RGS7: variants seen among roughly 807,000 people sequenced by gnomAD.
The protein encoded by RGS7 is regulator of G protein signaling 7, also known as regulator of G-protein signaling 7.
Under a neutral mutation model 81.1 loss-of-function variants are expected in RGS7, and 27 were observed. The ratio of observed to expected loss-of-function variants is 0.33; its 90% CI spans 0.25 to 0.46. The LOEUF (loss-of-function observed/expected upper bound fraction) is 0.46. RGS7 is among the 20% of genes least tolerant of loss of function. The pLI, the probability that RGS7 is intolerant of heterozygous loss-of-function variation, is 1.00. For synonymous variants in RGS7, 208 were observed against 207.7 expected (o/e 1.00, Z -0.01); for missense variants, 396 against 607.4 (o/e 0.65, Z 3.66).
intron 2 of RGS7, among the ~76,000 whole-genome samples, chr1:241,169,610 T>C (rs2070574770): frequency 6.6e-6 from 1 of 152,136 alleles, no homozygotes; most frequent in South Asian, 2.1e-4. Context: ...CCCAAAGTGC[T>C]GGGATTACAG....
intron 3 of RGS7, 121 bp downstream of exon 3, chr1:241,098,545 A>G (rs2064465578): frequency 2.7e-6 from 2 of 732,194 alleles, no homozygotes; most frequent in Admixed American, 2.1e-5. Context: ...CAGGCATTTT[A>G]TAAGTAGTTA....
intron 6 of RGS7, among the ~76,000 whole-genome samples, chr1:240,897,680 T>C (rs919679691): frequency 2.1e-4 from 32 of 152,210 alleles, no homozygotes; most frequent in Non-Finnish European, 3.8e-4. Flanking sequence ...TGGATTCGGT[T>C]TGCCCGTATT....
chr1:241,295,556 C>T (rs919943505), intron 2 of RGS7, among the ~76,000 whole-genome samples: 1 of 152,072 alleles, frequency 6.6e-6, no homozygotes, highest in African/African-American at 2.4e-5. Context: ...TCCCAAAAGA[C>T]AAGTCGGTAA....
chr1:240,906,466 C>T (rs958832843), intron 6 of RGS7, among the ~76,000 whole-genome samples: 2 of 152,172 alleles, frequency 1.3e-5, no homozygotes, highest in Non-Finnish European at 2.9e-5. Flanking sequence ...ATTCTAGGTC[C>T]TCCGTATAAC....
intron 6 of RGS7, among the ~76,000 whole-genome samples, chr1:240,875,692 C>G (rs1159862888): frequency 6.6e-6 from 1 of 152,202 alleles, no homozygotes. Flanking sequence ...TTCTCCCCAA[C>G]GCTTGTTACC....
At chr1:241,138,448 G>C (rs1558119783) in intron 2 of RGS7, among the ~76,000 whole-genome samples, 1 of 152,116 alleles carries the variant, frequency 6.6e-6, no homozygotes, top group South Asian at 2.1e-4. Flanking sequence ...CATGTGTATA[G>C]GGGAGAGTAA....
At position 241,310,444 on chromosome 1, in the gene RGS7, TGA is replaced by T. The variant is rs1001709221; in HGVS notation, c.78+45253_78+45254del. Among the ~76,000 whole-genome samples the T allele has an allele frequency of 1.1e-4, 13 of 115,318 alleles. No individual in the cohort carries two copies. The Middle Eastern group carries it at 0.012, about 104-fold the overall frequency. The allele number at this position is 115,318 out of a possible 152,430, so 75.7% of individuals were successfully genotyped here. On this transcript the variant is annotated intron_variant, in intron 2 of 18. Transcript: ENST00000440928. ...GAGAGTGTATGTGTGTCTGTGTGTG[TGA>T]GTGTGTGTGTGTGAGAGTGTGTGTG...
intron 6 of RGS7, among the ~76,000 whole-genome samples, chr1:240,899,752 C>T (rs1213991021): frequency 1.3e-5 from 2 of 152,130 alleles, no homozygotes; most frequent in African/African-American, 4.8e-5. Context: ...GTGAATCTGA[C>T]AATTATGTGT....
intron 9 of RGS7, among the ~76,000 whole-genome samples, chr1:240,867,398 G>A (rs750304986): frequency 6.6e-6 from 1 of 152,028 alleles, no homozygotes; most frequent in Admixed American, 6.5e-5. Flanking sequence ...CTACTGCCTT[G>A]TCTGTATTTA....
intron 2 of RGS7, among the ~76,000 whole-genome samples, chr1:241,244,029 T>C (rs937152902): frequency 6.6e-5 from 10 of 152,294 alleles, no homozygotes; most frequent in African/African-American, 2.2e-4. Context: ...GTGAAATGCC[T>C]ATATATTATT....
intron 6 of RGS7, among the ~76,000 whole-genome samples, chr1:240,916,190 T>C (rs1045323461): frequency 5.3e-5 from 8 of 149,558 alleles, no homozygotes; most frequent in African/African-American, 1.7e-4. Context: ...AGCATGAGAA[T>C]TGCTTGAACT....
At chr1:241,288,964 C>T (rs892154467) in intron 2 of RGS7, among the ~76,000 whole-genome samples, 2 of 152,222 alleles carry the variant, frequency 1.3e-5, no homozygotes, top group Admixed American at 1.3e-4. Context: ...TCAGCCTAAA[C>T]CAAAACGACT....
chr1:241,239,920 C>CACTA (rs754106032), intron 2 of RGS7, among the ~76,000 whole-genome samples: 89 of 152,250 alleles, frequency 5.8e-4, no homozygotes, highest in Admixed American at 2.4e-3. Context: ...AAGTGAAGAC[C>CACTA]ACTAGGTCAC....
At chr1:241,091,978 T>C (rs374395604) in intron 3 of RGS7, among the ~76,000 whole-genome samples, 5 of 152,310 alleles carry the variant, frequency 3.3e-5, no homozygotes, top group Admixed American at 2.0e-4. Context: ...TTTTTTAAAA[T>C]ATTAAAAAAG....
chr1:240,863,186 A>G (rs1426833720), intron 9 of RGS7, among the ~76,000 whole-genome samples: 3 of 152,132 alleles, frequency 2.0e-5, no homozygotes. Flanking sequence ...TATTTTAAAA[A>G]TTTTAGGCCG....
intron 9 of RGS7, among the ~76,000 whole-genome samples, chr1:240,846,261 T>A (rs1348190325): frequency 1.3e-5 from 2 of 152,290 alleles, no homozygotes; most frequent in East Asian, 3.9e-4. Flanking sequence ...CTCAAAAGTT[T>A]TTTTCCTTAA....
At chr1:240,807,926 T>G (rs1689153606) in intron 14 of RGS7, among the ~76,000 whole-genome samples, 1 of 150,696 alleles carries the variant, frequency 6.6e-6, no homozygotes, top group African/African-American at 2.4e-5. Flanking sequence ...TCCCAGCTAC[T>G]CGGGAGGCTG....
chr1:241,190,034 C>A (rs370175993), intron 2 of RGS7, among the ~76,000 whole-genome samples: 1 of 151,846 alleles, frequency 6.6e-6, no homozygotes, highest in Non-Finnish European at 1.5e-5. Context: ...ACCTGGGAGG[C>A]GGAGCTTGCA....
chr1:241,213,235 C>G lies in RGS7; in HGVS notation c.79-114473G>C, dbSNP rs148459138. ...TGTAGTGTCATGACTGACCGTAAAT[C>G]TCACTGGCAGTAGCACAGCATATGA... On this transcript the variant is annotated intron_variant, in intron 2 of 18. Transcript: ENST00000440928. 8.3e-4 allele frequency among the ~76,000 whole-genome samples: 127 copies of G among 152,320 alleles called. 1 individual carries two copies. The highest frequency in any genetic ancestry group is 2.8e-3 in the African/African-American group (117 of 41,580).
Sources: gnomAD v4.1 joint callset for allele counts (sites outside exome capture counted in the v4.1 genomes callset) on GRCh38, gnomAD v4.1.1 for gene constraint, MANE v1.5 for transcripts, NCBI Gene and HGNC (gene_info 2026-07-23, HGNC 2026-07-21) for gene names.